Variants in DIAPH3 observed in about 807,000 individuals in gnomAD.
DIAPH3 encodes the protein protein diaphanous homolog 3.
DIAPH3 carries 117 observed loss-of-function variants against 144.3 expected under a neutral mutation model. The ratio of observed to expected loss-of-function variants is 0.81; its 90% CI spans 0.70 to 0.95. DIAPH3 has a LOEUF of 0.95. DIAPH3 is among the 40% of genes least tolerant of loss of function. The pLI is 0.00. For missense variants in DIAPH3, 1,421 were observed against 1,412.7 expected (o/e 1.01, Z -0.09); for synonymous variants, 519 against 488.9 (o/e 1.06, Z -0.81).
intron 4 of DIAPH3, among the ~76,000 whole-genome samples, chr13:60,077,347 TAC>T (rs1179803190): frequency 6.6e-6 from 1 of 152,090 alleles, no homozygotes; most frequent in Non-Finnish European, 1.5e-5. Flanking sequence ...TTAGGAGAGA[TAC>T]ATTTTGCCAA....
intron 24 of DIAPH3, among the ~76,000 whole-genome samples, chr13:59,824,317 C>T (rs2041249317): frequency 6.6e-6 from 1 of 152,088 alleles, no homozygotes; most frequent in East Asian, 1.9e-4. Flanking sequence ...CTAAGAGATG[C>T]AGGCTGTTAT....
chr13:59,749,381 G>A lies in DIAPH3; in HGVS notation c.3319+24808C>T, dbSNP rs575391915. ...TAAAAATACAAAAAATTAGCCAGGC[G>A]TGGTGGTGGGCACCTGTAGTCCCAG... On this transcript the variant is annotated intron_variant, in intron 27 of 27. Transcript: ENST00000400324. Among the ~76,000 whole-genome samples, 85 of 150,548 alleles carry A rather than the reference G, an allele frequency of 5.6e-4. 1 individual carries two copies. In the South Asian group the frequency reaches 7.2e-3, roughly 13 times the overall value.
intron 27 of DIAPH3, among the ~76,000 whole-genome samples, chr13:59,725,888 A>C (rs1347663613): frequency 1.3e-5 from 2 of 152,214 alleles, no homozygotes; most frequent in Non-Finnish European, 2.9e-5. Context: ...CTTAAGAAAA[A>C]AGCCTTATTA....
chr13:59,671,907 G>T (rs1176146397), intron 27 of DIAPH3, among the ~76,000 whole-genome samples: 2 of 152,146 alleles, frequency 1.3e-5, no homozygotes, highest in Non-Finnish European at 2.9e-5. Context: ...TACATCTAGT[G>T]TTGGGTCCCA....
chr13:60,131,649 A>G (rs1331208100), intron 2 of DIAPH3, among the ~76,000 whole-genome samples: 1 of 152,112 alleles, frequency 6.6e-6, no homozygotes, highest in East Asian at 1.9e-4. Context: ...GAGGGAAAAC[A>G]GAGAGGGATT....
At chr13:59,796,616 A>G (rs2039621774) in intron 25 of DIAPH3, among the ~76,000 whole-genome samples, 1 of 152,250 alleles carries the variant, frequency 6.6e-6, no homozygotes. Flanking sequence ...ATGTGCATAC[A>G]GATATATTTC....
intron 27 of DIAPH3, among the ~76,000 whole-genome samples, chr13:59,686,732 C>G (rs555630050): frequency 6.6e-6 from 1 of 152,076 alleles, no homozygotes; most frequent in South Asian, 2.1e-4. Context: ...TGGCTTGTGT[C>G]AGAGGTTTAT....
rs536433104 is a variant in DIAPH3, at chr13:59,855,972, T to A, written c.2737+5435A>T. Among the ~76,000 whole-genome samples, 213 of 152,202 alleles carry A rather than the reference T, an allele frequency of 1.4e-3. 2 individuals are homozygous for A. The highest frequency in any genetic ancestry group is 5.0e-3 in the African/African-American group (208 of 41,554). Reference sequence around the variant, plus strand: ...AAAAACTTGGTATAGTATGATTAACTGTATTCTAAAACAAAATCTAGGAAA... The same window carrying A: ...AAAAACTTGGTATAGTATGATTAACAGTATTCTAAAACAAAATCTAGGAAA... On this transcript the variant is annotated intron_variant, in intron 22 of 27. Transcript: ENST00000400324.
chr13:59,860,366 G>A (rs1201216288), intron 22 of DIAPH3, among the ~76,000 whole-genome samples: 1 of 152,174 alleles, frequency 6.6e-6, no homozygotes, highest in Non-Finnish European at 1.5e-5. Context: ...CAGCATTCCA[G>A]ATGAGTTGTT....
At chr13:60,078,841 C>T (rs1326656519) in intron 4 of DIAPH3, among the ~76,000 whole-genome samples, 1 of 151,556 alleles carries the variant, frequency 6.6e-6, no homozygotes, top group East Asian at 1.9e-4. Context: ...GGGTGAGAGA[C>T]CTAAAATTTT....
chr13:59,897,837 A>G (rs1273976448), intron 20 of DIAPH3, among the ~76,000 whole-genome samples: 2 of 151,042 alleles, frequency 1.3e-5, no homozygotes, highest in African/African-American at 2.4e-5. Flanking sequence ...TAAAATAAAA[A>G]TAAGAGAATG....
intron 27 of DIAPH3, among the ~76,000 whole-genome samples, chr13:59,737,088 A>G (rs1054020947): frequency 3.3e-5 from 5 of 152,206 alleles, no homozygotes; most frequent in African/African-American, 9.6e-5. Context: ...GGACATAAGC[A>G]CAGGCAAAGA....
intron 27 of DIAPH3, among the ~76,000 whole-genome samples, chr13:59,744,091 A>T (rs1276268529): frequency 6.6e-6 from 1 of 152,182 alleles, no homozygotes; most frequent in Non-Finnish European, 1.5e-5. Flanking sequence ...TCATTTTGAG[A>T]AAAATACATT....
At chr13:60,019,909 T>G (rs2053897413) in intron 5 of DIAPH3, among the ~76,000 whole-genome samples, 1 of 151,202 alleles carries the variant, frequency 6.6e-6, no homozygotes, top group Non-Finnish European at 1.5e-5. Context: ...TCTCCTACTC[T>G]TCCTTTGTTT....
intron 27 of DIAPH3, among the ~76,000 whole-genome samples, chr13:59,768,431 A>G (rs905330766): frequency 2.0e-5 from 3 of 152,140 alleles, no homozygotes; most frequent in Non-Finnish European, 2.9e-5. Flanking sequence ...AGTTGTCTTC[A>G]TTGTTTCCAA....
rs1455941595 is a variant in DIAPH3 at position 59,879,281 on chromosome 13, GC to G, written c.2554del (p.Ala852LeufsTer19). The G allele has an allele frequency of 1.9e-6, 3 of 1,613,748 alleles. No individual in the cohort carries two copies. Among genetic ancestry groups the G allele is most frequent in the Non-Finnish European group, 2.5e-6 (3 of 1,179,858 alleles). On this transcript the variant is annotated frameshift_variant, in exon 21 of 28. Coordinates refer to ENST00000400324, the MANE Select transcript of DIAPH3 (RefSeq NM_001042517.2). LOFTEE classifies it high-confidence loss of function. ...GAAGGTTTGAGCATTCCGGGAGCCA[GC>G]ATTCATGTAGTTTCCCATTAGCAAT... Reference protein sequence around the residue: ...LVLLMGNYMNAGSRNAQTFGF... With the variant: ...LVLLMGNYMNXGSRNAQTFGF...
intron 22 of DIAPH3, among the ~76,000 whole-genome samples, chr13:59,843,486 C>T (rs928104892): frequency 3.3e-5 from 5 of 152,160 alleles, no homozygotes; most frequent in Non-Finnish European, 5.9e-5. Context: ...AGGAACTATG[C>T]TCTTTATGAT....
intron 4 of DIAPH3, among the ~76,000 whole-genome samples, chr13:60,061,466 G>A (rs1302150753): frequency 6.6e-6 from 1 of 151,710 alleles, no homozygotes; most frequent in Admixed American, 6.6e-5. Context: ...AGGCTTAGAA[G>A]GTTACAGAGA....
At chr13:59,877,771 GCCCCA>G (rs1005279600) in intron 21 of DIAPH3, among the ~76,000 whole-genome samples, 1 of 151,590 alleles carries the variant, frequency 6.6e-6, no homozygotes, top group Non-Finnish European at 1.5e-5. Context: ...AGTCTCATTA[GCCCCA>G]CTCCTTTCCC....
Sources: gnomAD v4.1 joint callset for allele counts (sites outside exome capture counted in the v4.1 genomes callset) on GRCh38, gnomAD v4.1.1 for gene constraint, MANE v1.5 for transcripts, NCBI Gene and HGNC (gene_info 2026-07-23, HGNC 2026-07-21) for gene names.